The following EVL variants were observed in gnomAD, a reference collection of about 807,000 sequenced individuals.
EVL encodes ena/VASP-like protein.
Under a neutral mutation model 59.6 loss-of-function variants are expected in EVL, and 21 were observed. That is an observed-to-expected ratio of 0.35 (90% confidence interval 0.25 to 0.51). The LOEUF is 0.51. Among genes scored for constraint, EVL ranks in the 20% least tolerant of loss-of-function variants. The probability of loss-of-function intolerance (pLI) is 0.97; values close to 1 mark genes in which losing one functional copy is unlikely to be tolerated. For missense variants in EVL, 462 were observed against 546.6 expected (o/e 0.85, Z 1.54); for synonymous variants, 198 against 203.5 (o/e 0.97, Z 0.23).
At chr14:100,053,688 A>G (rs2061681478) in intron 1 of EVL, among the ~76,000 whole-genome samples, 1 of 152,226 alleles carries the variant, frequency 6.6e-6, no homozygotes. Flanking sequence ...ACACTGTAAA[A>G]CTGTGACTTT....
At chr14:100,110,276 G>C (rs920182009) in intron 3 of EVL, among the ~76,000 whole-genome samples, 4 of 152,078 alleles carry the variant, frequency 2.6e-5, no homozygotes, top group African/African-American at 9.7e-5. Flanking sequence ...CAGGAGGCTG[G>C]GGTAGCAGAA....
At chr14:100,134,426 C>T (rs1198871814) in intron 8 of EVL, among the ~76,000 whole-genome samples, 2 of 152,208 alleles carry the variant, frequency 1.3e-5, no homozygotes, top group Admixed American at 1.3e-4. Context: ...AAGGATAGCA[C>T]TCTCCTCCTC....
At chr14:99,984,182 G>C (rs576528427) in intron 1 of EVL, among the ~76,000 whole-genome samples, 2 of 152,298 alleles carry the variant, frequency 1.3e-5, no homozygotes, top group African/African-American at 4.8e-5. Context: ...ATTTTATTAT[G>C]TGCTTAATGA....
intron 1 of EVL, among the ~76,000 whole-genome samples, chr14:100,050,349 A>ATT (rs1376236793): frequency 4.4e-5 from 2 of 45,330 alleles, no homozygotes; most frequent in African/African-American, 1.7e-4. Flanking sequence ...TCATTTATTT[A>ATT]TTTATTTATT....
chr14:100,014,154 T>C (rs1206807151), intron 1 of EVL, among the ~76,000 whole-genome samples: 14 of 152,208 alleles, frequency 9.2e-5, no homozygotes, highest in Admixed American at 9.2e-4. Context: ...TCTATTTTAA[T>C]AGATAAAATA....
intron 1 of EVL, among the ~76,000 whole-genome samples, chr14:100,051,214 C>A (rs910586899): frequency 6.6e-6 from 1 of 152,106 alleles, no homozygotes; most frequent in Non-Finnish European, 1.5e-5. Flanking sequence ...CATGATGAAA[C>A]CTTGCACTGT....
At position 100,143,959 on chromosome 14, in the gene EVL, GTCT is replaced by G; in HGVS notation, c.*223_*225del. ...CTGACACGGAACACCAGGTCTGCTC[GTCT>G]TTTTTGTGTTTTATATTTGCTTATT... On this transcript the variant is annotated 3_prime_UTR_variant, in exon 14 of 14. Transcript: ENST00000392920. 1.8e-6 allele frequency: 1 copy of G among 549,124 alleles called. No homozygotes were observed. The highest frequency in any genetic ancestry group is 3.2e-6 in the Non-Finnish European group (1 of 311,480). The allele number at this position is 549,124 out of a possible 1,614,324, so 34.0% of individuals were successfully genotyped here.
At chr14:100,031,604 G>A (rs997862380) in intron 1 of EVL, among the ~76,000 whole-genome samples, 23 of 152,132 alleles carry the variant, frequency 1.5e-4, no homozygotes, top group Admixed American at 1.2e-3. Context: ...ATGCTGGTTC[G>A]TGGTCTTTCC....
chr14:100,050,292 T>A (rs2140246225), intron 1 of EVL, among the ~76,000 whole-genome samples: 1 of 152,298 alleles, frequency 6.6e-6, no homozygotes, highest in Non-Finnish European at 1.5e-5. Flanking sequence ...AGGAGGTATC[T>A]CAATGGGGAG....
At chr14:100,014,314 A>G (rs1230258440) in intron 1 of EVL, among the ~76,000 whole-genome samples, 1 of 152,150 alleles carries the variant, frequency 6.6e-6, no homozygotes, top group Admixed American at 6.5e-5. Context: ...TTTAATTTTT[A>G]GCTCTCATTC....
In EVL at chr14:100,076,600, A is replaced by G. The variant is rs559617881; in HGVS notation, c.12-8087A>G. ...CCTGGGGCTTCAGGGAAGATTTTCT[A>G]AAAGAGGTAACAGATATTCCAAGTC... On this transcript the variant is annotated intron_variant, in intron 1 of 13. Coordinates refer to ENST00000392920, the MANE Select transcript of EVL (RefSeq NM_016337.3). 3.3e-5 allele frequency among the ~76,000 whole-genome samples: 5 copies of G among 152,364 alleles called. No individual in the cohort carries two copies. The South Asian group carries it at 8.3e-4, about 25-fold the overall frequency.
chr14:100,038,649 A>G (rs2061421942), intron 1 of EVL, among the ~76,000 whole-genome samples: 1 of 152,236 alleles, frequency 6.6e-6, no homozygotes, highest in Non-Finnish European at 1.5e-5. Flanking sequence ...TAAAAAGCTT[A>G]AACAGAATAA....
intron 3 of EVL, chr14:100,102,304 G>A (rs1338298352): frequency 2.2e-6 from 1 of 455,864 alleles, no homozygotes; most frequent in African/African-American, 2.0e-5. Context: ...CTCTCCCCAG[G>A]TGCGTGCATC....
intron 1 of EVL, among the ~76,000 whole-genome samples, chr14:100,076,896 T>C (rs964302297): frequency 5.3e-5 from 8 of 152,212 alleles, no homozygotes; most frequent in African/African-American, 7.2e-5. Flanking sequence ...CCCTTCCTCA[T>C]GCCACATGGG....
intron 1 of EVL, among the ~76,000 whole-genome samples, chr14:100,084,191 A>G: frequency 6.6e-6 from 1 of 151,794 alleles, no homozygotes. Flanking sequence ...AGCTAGGATT[A>G]CAGGCATGTG....
intron 1 of EVL, among the ~76,000 whole-genome samples, chr14:99,980,322 G>A (rs551547200): frequency 9.8e-5 from 15 of 152,298 alleles, no homozygotes; most frequent in Non-Finnish European, 1.9e-4. Context: ...TTGGACGGCC[G>A]TGCAGGCATC....
At chr14:100,053,496 G>GT (rs2140250711) in intron 1 of EVL, among the ~76,000 whole-genome samples, 1 of 152,218 alleles carries the variant, frequency 6.6e-6, no homozygotes, top group African/African-American at 2.4e-5. Context: ...TCTTCATAGA[G>GT]TAACACCCTA....
At chr14:100,002,734 A>G (rs1282461513) in intron 1 of EVL, among the ~76,000 whole-genome samples, 1 of 152,206 alleles carries the variant, frequency 6.6e-6, no homozygotes, top group Non-Finnish European at 1.5e-5. Flanking sequence ...AAAACACATG[A>G]TATCACAAAA....
intron 1 of EVL, among the ~76,000 whole-genome samples, chr14:100,040,448 A>G (rs1317735913): frequency 6.6e-6 from 1 of 152,078 alleles, no homozygotes; most frequent in Non-Finnish European, 1.5e-5. Context: ...TTTTCCTTTT[A>G]GCATGGGAGC....
Sources: gnomAD v4.1 joint callset for allele counts (sites outside exome capture counted in the v4.1 genomes callset) on GRCh38, gnomAD v4.1.1 for gene constraint, MANE v1.5 for transcripts, NCBI Gene and HGNC (gene_info 2026-07-23, HGNC 2026-07-21) for gene names.